The following ULK4 variants were observed in gnomAD, a reference collection of about 807,000 sequenced individuals.
ULK4 encodes the protein inactive serine/threonine-protein kinase ULK4.
Under a neutral mutation model 160.6 loss-of-function variants are expected in ULK4, and 133 were observed. That is an observed-to-expected ratio of 0.83 (90% CI 0.72 to 0.96). The LOEUF is 0.96. Ranked by LOEUF, ULK4 falls within the 40% of genes least tolerant of loss-of-function variation. The pLI is 0.00. For missense variants in ULK4, 1,580 were observed against 1,499.5 expected, an observed-to-expected ratio of 1.05 and a Z score of -0.89; for synonymous variants, 534 against 539.8, an observed-to-expected ratio of 0.99 and a Z score of 0.15.
intron 31 of ULK4, among the ~76,000 whole-genome samples, chr3:41,573,233 G>A (rs939397670): frequency 1.3e-5 from 2 of 152,182 alleles, no homozygotes; most frequent in African/African-American, 4.8e-5. Flanking sequence ...AAAGGCAGGA[G>A]AGCACTGGAC....
At chr3:41,604,347 A>G (rs1233639946) in intron 31 of ULK4, among the ~76,000 whole-genome samples, 1 of 152,128 alleles carries the variant, frequency 6.6e-6, no homozygotes, top group African/African-American at 2.4e-5. Context: ...AAGTATACTG[A>G]TGTGAGTTTC....
chr3:41,700,878 T>C (rs924909348), intron 27 of ULK4, among the ~76,000 whole-genome samples: 8 of 151,670 alleles, frequency 5.3e-5, no homozygotes, highest in Admixed American at 2.6e-4. Flanking sequence ...TAAAAAGCAA[T>C]ACAGATTTGA....
chr3:41,758,901 T>C (rs1203832869), intron 21 of ULK4, among the ~76,000 whole-genome samples: 1 of 151,462 alleles, frequency 6.6e-6, no homozygotes, highest in Non-Finnish European at 1.5e-5. Flanking sequence ...GTGTAATTCA[T>C]CATAATTAAT....
intron 35 of ULK4, among the ~76,000 whole-genome samples, chr3:41,299,340 AG>A (rs2079736757): frequency 6.6e-6 from 1 of 152,206 alleles, no homozygotes; most frequent in African/African-American, 2.4e-5. Context: ...AGGATGCATG[AG>A]GGAGCACAGC....
chr3:41,563,197 T>G (rs972380642), intron 32 of ULK4, among the ~76,000 whole-genome samples: 1 of 152,198 alleles, frequency 6.6e-6, no homozygotes, highest in South Asian at 2.1e-4. Flanking sequence ...CCCACTCTCT[T>G]CTGGCTTGTA....
chr3:41,598,202 A>C (rs933186729), intron 31 of ULK4, among the ~76,000 whole-genome samples: 1 of 152,188 alleles, frequency 6.6e-6, no homozygotes. Context: ...GGAGTTGGAA[A>C]CACCTACCCT....
intron 18 of ULK4, among the ~76,000 whole-genome samples, chr3:41,831,883 TC>T (rs1363903206): frequency 2.6e-5 from 4 of 152,148 alleles, no homozygotes; most frequent in African/African-American, 7.2e-5. Flanking sequence ...ATGATCTCAT[TC>T]TTTTTTATTG....
chr3:41,255,598 G>A (rs1009540337), intron 35 of ULK4, among the ~76,000 whole-genome samples: 20 of 133,652 alleles, frequency 1.5e-4, no homozygotes, highest in African/African-American at 4.2e-4. Context: ...TAAAGTAGAC[G>A]TTAAGGCTAT....
At chr3:41,595,985 A>C (rs2031661065) in intron 31 of ULK4, among the ~76,000 whole-genome samples, 1 of 152,224 alleles carries the variant, frequency 6.6e-6, no homozygotes, top group Admixed American at 6.5e-5. Context: ...AAAGAGAGTC[A>C]GAGAAATTAA....
intron 35 of ULK4, among the ~76,000 whole-genome samples, chr3:41,381,942 T>C (rs2081661889): frequency 1.3e-5 from 2 of 152,110 alleles, no homozygotes; most frequent in Admixed American, 1.3e-4. Context: ...GGCTTCCTTA[T>C]AGTCCCTAGA....
At position 41,954,618 on chromosome 3, in the gene ULK4, T is replaced by C; in HGVS notation, c.138+4A>G. The stretch of plus-strand genomic sequence containing the variant: ...CCCATGCCAATGGAAATACACTGAC[T>C]TACCCAGTTGGTTATTTCAGGCCTT... On this transcript the variant is annotated splice_donor_region_variant and intron_variant, in intron 2 of 36. Transcript: ENST00000301831. The C allele has an allele frequency of 1.2e-6, 2 of 1,612,050 alleles. No homozygotes were observed. Among genetic ancestry groups the C allele is most frequent in the Non-Finnish European group, 1.7e-6 (2 of 1,179,134 alleles).
intron 35 of ULK4, among the ~76,000 whole-genome samples, chr3:41,394,305 T>C (rs2082012196): frequency 6.6e-6 from 1 of 152,114 alleles, no homozygotes; most frequent in African/African-American, 2.4e-5. Context: ...TCCAGAAGCA[T>C]GAGACAGGTA....
At chr3:41,793,765 G>C (rs1377373487) in intron 20 of ULK4, among the ~76,000 whole-genome samples, 1 of 152,148 alleles carries the variant, frequency 6.6e-6, no homozygotes, top group Admixed American at 6.5e-5. Flanking sequence ...TCCCTATAGA[G>C]ATTTTCCCTA....
At chr3:41,658,731 A>ACACACACACACACACACACACTGT (rs1553628707) in intron 30 of ULK4, among the ~76,000 whole-genome samples, 3,381 of 135,184 alleles carry the variant, frequency 0.025, 129 homozygotes, top group African/African-American at 0.086. Context: ...AAAACAGTAC[A>ACACACACACACACACACACACTGT]CACACACACA....
chr3:41,699,768 C>T (rs1225251558), intron 27 of ULK4, among the ~76,000 whole-genome samples: 4 of 152,114 alleles, frequency 2.6e-5, no homozygotes, highest in African/African-American at 9.7e-5. Context: ...TCATGTATTC[C>T]AGTCATGCTC....
In ULK4 at chr3:41,631,261, G is replaced by A. The variant is rs79625065; in HGVS notation, c.3072-15544C>T. ...AGGGCAGGGTTGAGATTTCAGCAGC[G>A]TTAGTATAAATAAATTTTAGAACTG... On this transcript the variant is annotated intron_variant, in intron 30 of 36. Transcript: ENST00000301831. 5.0e-4 allele frequency among the ~76,000 whole-genome samples: 76 copies of A among 152,296 alleles called. 1 individual carries two copies. In the East Asian group the frequency reaches 0.01, roughly 20 times the overall value.
intron 17 of ULK4, among the ~76,000 whole-genome samples, chr3:41,837,396 C>T (rs765754331): frequency 3.3e-5 from 5 of 152,012 alleles, no homozygotes; most frequent in Non-Finnish European, 5.9e-5. Context: ...TACTTCTTTC[C>T]TCTCCTCCCC....
chr3:41,531,523 A>AG (rs2086318506), intron 32 of ULK4, among the ~76,000 whole-genome samples: 1 of 135,788 alleles, frequency 7.4e-6, no homozygotes, highest in African/African-American at 2.9e-5. Context: ...AAAAAGAAAA[A>AG]GAAAAAAAAA....
chr3:41,316,232 C>T (rs2080140327), intron 35 of ULK4, among the ~76,000 whole-genome samples: 1 of 152,062 alleles, frequency 6.6e-6, no homozygotes, highest in Admixed American at 6.6e-5. Flanking sequence ...ACGCATGCTA[C>T]AAAATAGATA....
Sources: gnomAD v4.1 joint callset for allele counts (sites outside exome capture counted in the v4.1 genomes callset) on GRCh38, gnomAD v4.1.1 for gene constraint, MANE v1.5 for transcripts, NCBI Gene and HGNC (gene_info 2026-07-23, HGNC 2026-07-21) for gene names.